Variants in LTBP1 observed in about 807,000 individuals in gnomAD.
LTBP1 encodes latent-transforming growth factor beta-binding protein 1.
In LTBP1, 129 loss-of-function variants were observed where a neutral mutation model predicts 207.6. The observed-to-expected ratio is 0.62, with a 90% CI of 0.54 to 0.72. LTBP1 has a LOEUF of 0.72. LTBP1 is among the 30% of genes least tolerant of loss of function. The pLI is 0.00. For synonymous variants in LTBP1, 963 were observed against 833.7 expected (o/e 1.16, Z -2.67); for missense variants, 2,281 against 2,217.2 (o/e 1.03, Z -0.58).
chr2:33,155,878 A>G (rs1356867998), intron 5 of LTBP1, among the ~76,000 whole-genome samples: 4 of 152,236 alleles, frequency 2.6e-5, no homozygotes, highest in Non-Finnish European at 5.9e-5. Context: ...TTGTTAATCA[A>G]ATAAAGGTAC....
At chr2:33,368,096 A>G (rs957345938) in intron 31 of LTBP1, among the ~76,000 whole-genome samples, 12 of 152,018 alleles carry the variant, frequency 7.9e-5, no homozygotes, top group Non-Finnish European at 1.8e-4. Flanking sequence ...AATCTCAGCT[A>G]CTCAGGAGGC....
chr2:33,196,183 A>G (rs574406780), intron 7 of LTBP1, among the ~76,000 whole-genome samples: 13 of 152,308 alleles, frequency 8.5e-5, no homozygotes, highest in African/African-American at 2.9e-4. Flanking sequence ...TATCTGAGAT[A>G]TTGCCCGTAG....
chr2:33,318,317 T>C (rs934770133), intron 24 of LTBP1, among the ~76,000 whole-genome samples: 10 of 152,110 alleles, frequency 6.6e-5, no homozygotes, highest in African/African-American at 2.4e-4. Flanking sequence ...AAGTGGGAAG[T>C]AGGTGGTGGG....
intron 5 of LTBP1, among the ~76,000 whole-genome samples, chr2:33,135,307 T>C (rs568998740): frequency 5.3e-5 from 8 of 152,320 alleles, no homozygotes; most frequent in African/African-American, 1.9e-4. Context: ...ATCAGCCCAG[T>C]GATAAGTGGA....
intron 9 of LTBP1, among the ~76,000 whole-genome samples, chr2:33,236,372 C>T (rs1448739059): frequency 6.6e-6 from 1 of 152,226 alleles, no homozygotes; most frequent in Non-Finnish European, 1.5e-5. Flanking sequence ...TGGTCATCCT[C>T]TTAGAACTAC....
At chr2:33,365,237 TAG>T (rs1459298461) in intron 30 of LTBP1, 94 bp from the exon 31 acceptor site, 3 of 1,052,380 alleles carry the variant, frequency 2.9e-6, no homozygotes, top group Non-Finnish European at 4.3e-6. Context: ...CTCTTAGAAA[TAG>T]AGATGGAAAC....
intron 3 of LTBP1, among the ~76,000 whole-genome samples, chr2:33,083,855 A>G (rs1360435720): frequency 6.6e-6 from 1 of 152,188 alleles, no homozygotes; most frequent in African/African-American, 2.4e-5. Flanking sequence ...ACATTCTTTC[A>G]TTTCATGACC....
At chr2:32,951,697 G>A (rs1371686674) in intron 2 of LTBP1, among the ~76,000 whole-genome samples, 1 of 152,160 alleles carries the variant, frequency 6.6e-6, no homozygotes, top group Non-Finnish European at 1.5e-5. Context: ...TAGGATGGTT[G>A]CAGGTATTAA....
At chr2:33,065,251 A>G (rs1261929801) in intron 3 of LTBP1, among the ~76,000 whole-genome samples, 1 of 152,218 alleles carries the variant, frequency 6.6e-6, no homozygotes, top group Non-Finnish European at 1.5e-5. Context: ...CCAACCTTGC[A>G]TTACTAGGAT....
intron 5 of LTBP1, among the ~76,000 whole-genome samples, chr2:33,186,344 A>G (rs1428735875): frequency 1.3e-5 from 2 of 152,208 alleles, no homozygotes; most frequent in African/African-American, 4.8e-5. Context: ...ATGCGTAATC[A>G]CATCATGGAG....
chr2:33,017,879 G>A (rs1448681466), intron 2 of LTBP1, among the ~76,000 whole-genome samples: 3 of 152,166 alleles, frequency 2.0e-5, no homozygotes, highest in African/African-American at 7.2e-5. Flanking sequence ...GCCTCCCAAA[G>A]TACAAGTTTT....
At chr2:33,056,456 G>A in intron 3 of LTBP1, 1 of 937,464 alleles carries the variant, frequency 1.1e-6, no homozygotes. Flanking sequence ...CCCTGTTGTT[G>A]CAAATTGCCA....
rs564374489 is a variant in LTBP1 at position 33,199,932 on chromosome 2, C to G, written c.1701+11081C>G. Among the ~76,000 whole-genome samples, 22 of 152,224 alleles carry G rather than the reference C, an allele frequency of 1.4e-4. No individual in the cohort carries two copies. The East Asian group carries it at 4.2e-3, about 29-fold the overall frequency. ...CCAACTTACAAAGGATGTGAAGGACCTCTTCAAGGAGAACTACAAACCACT... is the reference window on the plus strand; with the variant it reads ...CCAACTTACAAAGGATGTGAAGGACGTCTTCAAGGAGAACTACAAACCACT... On this transcript the variant is annotated intron_variant, in intron 7 of 33. Coordinates refer to ENST00000404816, the MANE Select transcript of LTBP1 (RefSeq NM_206943.4).
At chr2:33,398,138 A>G (rs1311920952) in intron 33 of LTBP1, among the ~76,000 whole-genome samples, 3 of 152,162 alleles carry the variant, frequency 2.0e-5, no homozygotes, top group Non-Finnish European at 4.4e-5. Context: ...AGCTCACAAA[A>G]TGCTCATGTT....
At chr2:32,952,531 C>G (rs774259596) in intron 2 of LTBP1, among the ~76,000 whole-genome samples, 4 of 152,216 alleles carry the variant, frequency 2.6e-5, no homozygotes, top group African/African-American at 9.6e-5. Context: ...CATTTGTGCT[C>G]TTTCCAAGGA....
At chr2:33,270,857 T>C (rs957696979) in intron 15 of LTBP1, among the ~76,000 whole-genome samples, 2 of 152,198 alleles carry the variant, frequency 1.3e-5, no homozygotes, top group East Asian at 1.9e-4. Flanking sequence ...TATATACTTA[T>C]GTATGAGGTA....
chr2:33,388,954 T>G (rs770062008), intron 31 of LTBP1, among the ~76,000 whole-genome samples: 3 of 152,208 alleles, frequency 2.0e-5, no homozygotes, highest in African/African-American at 7.2e-5. Flanking sequence ...GCTAATATTT[T>G]TGATCTTCAA....
intron 2 of LTBP1, among the ~76,000 whole-genome samples, chr2:32,978,655 GT>G (rs897806923): frequency 1.5e-5 from 2 of 134,038 alleles, no homozygotes; most frequent in Admixed American, 1.5e-4. Flanking sequence ...TTGGCCTGTA[GT>G]TTTTTTTTAA....
chr2:33,366,534 A>T (rs1476350336), intron 31 of LTBP1, among the ~76,000 whole-genome samples: 1 of 152,274 alleles, frequency 6.6e-6, no homozygotes, highest in African/African-American at 2.4e-5. Context: ...GATAAAGAGC[A>T]AATACACAAA....
Sources: gnomAD v4.1 joint callset for allele counts (sites outside exome capture counted in the v4.1 genomes callset) on GRCh38, gnomAD v4.1.1 for gene constraint, MANE v1.5 for transcripts, NCBI Gene and HGNC (gene_info 2026-07-23, HGNC 2026-07-21) for gene names.